CHD1: variants seen among roughly 807,000 people sequenced by gnomAD.
CHD1 encodes chromodomain helicase DNA binding protein 1.
CHD1 carries 36 observed loss-of-function variants against 224.2 expected under a neutral mutation model. The observed-to-expected ratio is 0.16, with a 90% CI of 0.12 to 0.21. The LOEUF (loss-of-function observed/expected upper bound fraction) is 0.21, where lower values mean the gene tolerates loss of function less well. Ranked by LOEUF, CHD1 falls within the 10% of genes least tolerant of loss-of-function variation. The probability of loss-of-function intolerance (pLI) is 1.00; values close to 1 mark genes in which losing one functional copy is unlikely to be tolerated. For missense variants in CHD1, 1,378 were observed against 1,994.8 expected (o/e 0.69, Z 5.89); for synonymous variants, 668 against 658.3 (o/e 1.01, Z -0.23).
chr5:98,914,920 T>C (rs1404154989), intron 2 of CHD1, among the ~76,000 whole-genome samples: 1 of 152,154 alleles, frequency 6.6e-6, no homozygotes, highest in Non-Finnish European at 1.5e-5. Context: ...GATCATTAAG[T>C]CAGGACCTTT....
In CHD1 at chr5:98,860,095, T is replaced by G. The variant is rs775399025; in HGVS notation, c.4428-27A>C. ...TAGAAGAATTTAAAAAAAGGCAAAT[T>G]AAGTTAGTCTGGTGGAAAATATTTA... is the stretch of plus-strand genomic sequence containing the variant. On this transcript the variant is annotated intron_variant, in intron 32 of 35. Coordinates refer to ENST00000614616, the MANE Select transcript of CHD1 (RefSeq NM_001270.4). The G allele has an allele frequency of 4.1e-5, 51 of 1,251,104 alleles. No individual in the cohort carries two copies. In the Admixed American group the frequency reaches 9.0e-4, roughly 22 times the overall value. 77.5% of individuals were successfully genotyped at this position (1,251,104 alleles called of 1,614,324 possible).
intron 10 of CHD1, 73 bp from the exon 11 acceptor site, chr5:98,897,393 G>T: frequency 9.2e-7 from 1 of 1,082,448 alleles, no homozygotes; most frequent in Non-Finnish European, 1.3e-6. Flanking sequence ...GAAAGCCTCA[G>T]CTTTACCATA....
chr5:98,856,257 G>GT lies in CHD1; in HGVS notation c.*122dup. The GT allele has an allele frequency of 1.5e-6, 1 of 675,800 alleles. No homozygotes were observed. The allele number at this position is 675,800 out of a possible 1,614,324, so 41.9% of individuals were successfully genotyped here. ...AATAGACCTTGCATCCTGGAAAGAA[G>GT]TAACAATACTGCTACTGATAGAAGA... On this transcript the variant is annotated 3_prime_UTR_variant, in exon 36 of 36. Transcript: ENST00000614616.
At chr5:98,868,350 AAG>A in intron 31 of CHD1, 143 bp downstream of exon 31, 3 of 651,636 alleles carry the variant, frequency 4.6e-6, no homozygotes, top group South Asian at 3.1e-5. Flanking sequence ...AAAAAAAAAA[AAG>A]ACACCCTTCA....
intron 2 of CHD1, among the ~76,000 whole-genome samples, chr5:98,911,146 A>AAAAATATATATATATATAT (rs1491111295): frequency 5.1e-5 from 2 of 39,132 alleles, no homozygotes; most frequent in African/African-American, 1.2e-4. Flanking sequence ...AAAAAAAAAA[A>AAAAATATATATATATATAT]ATATATATAT....
At chr5:98,886,051 G>A (rs187547472) in intron 17 of CHD1, 81 of 158,066 alleles carry the variant, frequency 5.1e-4, no homozygotes, top group Admixed American at 1.9e-3. Flanking sequence ...TCCATTAACA[G>A]GTTACAATTC....
At chr5:98,864,517 CAA>C (rs67061692) in intron 31 of CHD1, among the ~76,000 whole-genome samples, 9,492 of 57,246 alleles carry the variant, frequency 0.17, 333 homozygotes, top group Middle Eastern at 0.25. Flanking sequence ...GATTCTATAC[CAA>C]AAAAAAAAAA....
chr5:98,907,443 C>T (rs1481002946), intron 2 of CHD1, among the ~76,000 whole-genome samples: 2 of 151,956 alleles, frequency 1.3e-5, no homozygotes, highest in Non-Finnish European at 2.9e-5. Context: ...ACAAAACTGG[C>T]TGGGCATGGT....
chr5:98,859,054 C>T, intron 33 of CHD1, 39 bp from the exon 34 acceptor site: 2 of 1,472,882 alleles, frequency 1.4e-6, no homozygotes, highest in East Asian at 4.8e-5. Flanking sequence ...CTTTAGGTGA[C>T]TTCACAAACT....
chr5:98,896,194 T>A, intron 12 of CHD1, 32 bp downstream of exon 12: 2 of 1,548,312 alleles, frequency 1.3e-6, no homozygotes, highest in South Asian at 2.2e-5. Context: ...CAAGTACATT[T>A]TGATTTCTAC....
intron 26 of CHD1, among the ~76,000 whole-genome samples, chr5:98,873,083 C>T (rs1213704185): frequency 6.6e-6 from 1 of 152,146 alleles, no homozygotes; most frequent in Non-Finnish European, 1.5e-5. Flanking sequence ...CCATCTCAGC[C>T]TCCAAAAGTG....
At chr5:98,907,588 C>CAAAAAA (rs34839165) in intron 2 of CHD1, among the ~76,000 whole-genome samples, 1 of 87,470 alleles carries the variant, frequency 1.1e-5, no homozygotes, top group Non-Finnish European at 2.3e-5. Context: ...AACTCCATCT[C>CAAAAAA]AAAAAAAAAA....
chr5:98,897,290 G>C lies in CHD1; in HGVS notation c.1396C>G (p.Leu466Val), dbSNP rs769632285. 1.2e-6 allele frequency: 2 copies of C among 1,609,116 alleles called. No homozygotes were observed. Among genetic ancestry groups the C allele is most frequent in the Non-Finnish European group, 1.7e-6 (2 of 1,176,062 alleles). Residue 466 changes from leucine to valine, a missense_variant, in exon 11 of 36, where the codon CTG becomes GTG. This residue lies in a region of CHD1 where 86 missense variants were observed against 97.7 expected (regional missense o/e 0.88). Coordinates refer to ENST00000614616, the MANE Select transcript of CHD1 (RefSeq NM_001270.4). ...VLKQRPRFVA[L>V]KKQPSYIGGH... ...CCAATATAGGATGGCTGCTTCTTCA[G>C]GGCTACAAACCTTGGCCTTTGTTTT... is the stretch of plus-strand genomic sequence containing the variant.
chr5:98,882,175 C>G, intron 19 of CHD1, 52 bp from the exon 20 acceptor site: 2 of 1,525,586 alleles, frequency 1.3e-6, no homozygotes, highest in South Asian at 2.4e-5. Context: ...ATTTGTTTTG[C>G]TAACCTCAAG....
intron 35 of CHD1, 55 bp downstream of exon 35, chr5:98,858,125 T>C (rs1748178341): frequency 2.2e-6 from 3 of 1,381,770 alleles, no homozygotes; most frequent in Non-Finnish European, 3.1e-6. Flanking sequence ...AGGAACATCA[T>C]GATAAGGAGA....
intron 30 of CHD1, chr5:98,869,544 T>C (rs1749154535): frequency 3.7e-6 from 2 of 547,340 alleles, no homozygotes; most frequent in African/African-American, 1.9e-5. Flanking sequence ...TAGTGCTATA[T>C]AATATCTACT....
intron 19 of CHD1, 103 bp from the exon 20 acceptor site, chr5:98,882,226 G>A: frequency 1.0e-6 from 1 of 963,542 alleles, no homozygotes; most frequent in Non-Finnish European, 1.5e-6. Flanking sequence ...CATTCTATAT[G>A]AAGTTTTCAC....
intron 2 of CHD1, among the ~76,000 whole-genome samples, chr5:98,923,187 T>C (rs1354961426): frequency 2.6e-5 from 4 of 152,048 alleles, no homozygotes; most frequent in South Asian, 2.1e-4. Flanking sequence ...CAGTAGAGCA[T>C]AGTATAGCAG....
chr5:98,857,319 G>C (rs570218704), intron 35 of CHD1, among the ~76,000 whole-genome samples: 118 of 152,166 alleles, frequency 7.8e-4, no homozygotes, highest in African/African-American at 2.8e-3. Context: ...TCTAAAATGA[G>C]TGCCTTTTCC....
Sources: gnomAD v4.1 joint callset for allele counts (sites outside exome capture counted in the v4.1 genomes callset) on GRCh38, gnomAD v4.1.1 for gene constraint, gnomAD v4.1.1 regional missense constraint, MANE v1.5 for transcripts, NCBI Gene and HGNC (gene_info 2026-07-23, HGNC 2026-07-21) for gene names.